CNTN6: variants seen among roughly 807,000 people sequenced by gnomAD.
The protein encoded by CNTN6 is contactin-6.
A neutral mutation model predicts 122.8 loss-of-function variants in CNTN6; 137 were observed. That is an observed-to-expected ratio of 1.12 (90% CI 0.97 to 1.29). CNTN6 has a LOEUF of 1.29. Among genes scored for constraint, CNTN6 ranks in the 50% most tolerant of loss-of-function variants. The pLI is 0.00. For missense variants in CNTN6, 1,634 were observed against 1,223.4 expected, an observed-to-expected ratio of 1.34 and a Z score of -5.01; for synonymous variants, 570 against 426.0, an observed-to-expected ratio of 1.34 and a Z score of -4.16.
chr3:1,385,483 C>T (rs537830582), intron 19 of CNTN6, 128 bp from the exon 20 acceptor site: 117 of 616,460 alleles, frequency 1.9e-4, no homozygotes, highest in African/African-American at 1.8e-3. Context: ...AATTAGAAAA[C>T]GTTTTTGTCA....
intron 2 of CNTN6, among the ~76,000 whole-genome samples, chr3:1,212,517 A>G (rs770158274): frequency 1.3e-5 from 2 of 151,158 alleles, no homozygotes; most frequent in East Asian, 2.0e-4. Flanking sequence ...ATATATACAT[A>G]TGTGTGTGTA....
intron 2 of CNTN6, among the ~76,000 whole-genome samples, chr3:1,171,861 C>T (rs902093447): frequency 2.0e-5 from 3 of 152,174 alleles, no homozygotes; most frequent in African/African-American, 7.2e-5. Context: ...CCTGCCTCAG[C>T]CTCCCAAAGT....
At chr3:1,302,246 AT>A (rs34920969) in intron 7 of CNTN6, among the ~76,000 whole-genome samples, 9,046 of 151,994 alleles carry the variant, frequency 0.06, 943 homozygotes, top group African/African-American at 0.21. Context: ...GGTTTTAGTC[AT>A]TTTTTTCCCC....
intron 2 of CNTN6, among the ~76,000 whole-genome samples, chr3:1,207,065 C>T (rs550438345): frequency 2.0e-5 from 3 of 152,176 alleles, no homozygotes; most frequent in African/African-American, 7.2e-5. Flanking sequence ...TAATTATCTC[C>T]AGAACTCCAG....
intron 11 of CNTN6, among the ~76,000 whole-genome samples, chr3:1,342,136 G>T (rs1267404013): frequency 3.3e-5 from 5 of 151,958 alleles, no homozygotes; most frequent in African/African-American, 7.2e-5. Flanking sequence ...TTGTTTGTTT[G>T]TTTGTTTGTT....
chr3:1,235,226 G>A (rs2094406281), intron 4 of CNTN6, among the ~76,000 whole-genome samples: 1 of 152,046 alleles, frequency 6.6e-6, no homozygotes, highest in African/African-American at 2.4e-5. Flanking sequence ...AAGAAAGTAG[G>A]GGATCCATTC....
intron 1 of CNTN6, among the ~76,000 whole-genome samples, chr3:1,139,826 G>C (rs186210960): frequency 6.6e-6 from 1 of 152,166 alleles, no homozygotes; most frequent in South Asian, 2.1e-4. Context: ...CCTTACTTGA[G>C]CACAGTTTGA....
At chr3:1,294,356 TTC>T (rs1452115661) in intron 5 of CNTN6, among the ~76,000 whole-genome samples, 1 of 152,162 alleles carries the variant, frequency 6.6e-6, no homozygotes, top group Non-Finnish European at 1.5e-5. Context: ...AAATAGTACA[TTC>T]TGTTTGTTTT....
intron 4 of CNTN6, among the ~76,000 whole-genome samples, chr3:1,270,757 A>T (rs1186020339): frequency 6.6e-6 from 1 of 152,220 alleles, no homozygotes; most frequent in East Asian, 1.9e-4. Flanking sequence ...TGAAGTGACC[A>T]ATAATTGAAA....
intron 11 of CNTN6, among the ~76,000 whole-genome samples, chr3:1,337,729 A>G (rs1345419431): frequency 6.6e-6 from 1 of 152,100 alleles, no homozygotes; most frequent in Non-Finnish European, 1.5e-5. Context: ...TAAATTGTTC[A>G]TACTCAACTC....
At chr3:1,186,914 A>G (rs2093635798) in intron 2 of CNTN6, among the ~76,000 whole-genome samples, 1 of 151,986 alleles carries the variant, frequency 6.6e-6, no homozygotes, top group Non-Finnish European at 1.5e-5. Flanking sequence ...GCCCAAATAC[A>G]GATAGAAAGG....
In CNTN6 at chr3:1,298,011, T is replaced by G; in HGVS notation, c.761+20T>G. On this transcript the variant is annotated intron_variant, in intron 7 of 22. Coordinates refer to ENST00000446702, the MANE Select transcript of CNTN6 (RefSeq NM_001289080.2). ...TGGAAAGTAAGGTTTTTGTTTTTGT[T>G]TTTGTTTTCCTGGTTGCATTAATTT... The G allele has an allele frequency of 6.4e-7, 1 of 1,562,406 alleles. No homozygotes were observed. The highest frequency in any genetic ancestry group is 8.7e-7 in the Non-Finnish European group (1 of 1,149,766).
chr3:1,188,402 C>G (rs1348744799), intron 2 of CNTN6, among the ~76,000 whole-genome samples: 1 of 152,160 alleles, frequency 6.6e-6, no homozygotes, highest in Non-Finnish European at 1.5e-5. Flanking sequence ...TTAGCAAGGA[C>G]TTTAACTCTT....
chr3:1,239,708 AC>A (rs1424207111), intron 4 of CNTN6, among the ~76,000 whole-genome samples: 2 of 152,210 alleles, frequency 1.3e-5, no homozygotes, highest in African/African-American at 2.4e-5. Context: ...AAGAGCCCAC[AC>A]AGCCAAAGCA....
intron 1 of CNTN6, among the ~76,000 whole-genome samples, chr3:1,141,392 G>C (rs1395772284): frequency 6.6e-6 from 1 of 152,126 alleles, no homozygotes; most frequent in African/African-American, 2.4e-5. Context: ...AGCCCGTGAG[G>C]AGTCACGCAC....
intron 4 of CNTN6, among the ~76,000 whole-genome samples, chr3:1,249,035 C>G (rs779260331): frequency 6.6e-6 from 1 of 152,114 alleles, no homozygotes; most frequent in Non-Finnish European, 1.5e-5. Flanking sequence ...GCCCAAGATT[C>G]TACATGTTTA....
At chr3:1,336,567 C>G (rs976294797) in intron 11 of CNTN6, among the ~76,000 whole-genome samples, 4 of 152,072 alleles carry the variant, frequency 2.6e-5, no homozygotes, top group African/African-American at 9.7e-5. Flanking sequence ...TCTACTTACT[C>G]CAAGTATATA....
In CNTN6 at chr3:1,122,645, C is replaced by G. The variant is rs1011227955; in HGVS notation, c.-82-25282C>G. Among the ~76,000 whole-genome samples, 10 of 151,788 alleles carry G rather than the reference C, an allele frequency of 6.6e-5. 1 individual carries two copies. Among genetic ancestry groups the G allele is most frequent in the Admixed American group, 5.3e-4 (8 of 15,142 alleles). The stretch of plus-strand genomic sequence containing the variant: ...AGGCCGCAACAACTACCAATCTGTC[C>G]TCTGCCTATGTAGATTTATCAGTTC... On this transcript the variant is annotated intron_variant, in intron 1 of 22. Coordinates refer to ENST00000446702, the MANE Select transcript of CNTN6 (RefSeq NM_001289080.2).
At chr3:1,127,933 G>A (rs1211657405) in intron 1 of CNTN6, among the ~76,000 whole-genome samples, 1 of 151,882 alleles carries the variant, frequency 6.6e-6, no homozygotes, top group Non-Finnish European at 1.5e-5. Flanking sequence ...GAAACCAAAG[G>A]ATATGCCTTT....
Sources: allele counts gnomAD v4.1 joint callset (sites outside exome capture counted in the v4.1 genomes callset), GRCh38; gene constraint gnomAD v4.1.1; transcripts MANE v1.5; gene names NCBI Gene and HGNC (gene_info 2026-07-23, HGNC 2026-07-21).